Variants in CDKL4 observed in about 807,000 individuals in gnomAD.
CDKL4 encodes cyclin-dependent kinase-like 4.
A neutral mutation model predicts 42.0 loss-of-function variants in CDKL4; 44 were observed. The ratio of observed to expected loss-of-function variants is 1.05; its 90% CI spans 0.82 to 1.35. The LOEUF is 1.35. CDKL4 is among the 40% of genes most tolerant of loss of function. CDKL4 has a pLI of 0.00. For synonymous variants in CDKL4, 120 were observed against 121.6 expected, an observed-to-expected ratio of 0.99 and a Z score of 0.09; for missense variants, 393 against 369.9, an observed-to-expected ratio of 1.06 and a Z score of -0.51.
intron 5 of CDKL4, among the ~76,000 whole-genome samples, chr2:39,200,989 C>T (rs1049711491): frequency 6.6e-6 from 1 of 152,100 alleles, no homozygotes; most frequent in Non-Finnish European, 1.5e-5. Context: ...ACTAAAAAAG[C>T]TTCTGCACAG....
intron 5 of CDKL4, among the ~76,000 whole-genome samples, chr2:39,196,810 G>C (rs1676543168): frequency 6.6e-6 from 1 of 152,174 alleles, no homozygotes; most frequent in South Asian, 2.1e-4. Flanking sequence ...GTTTAGCCAT[G>C]TTGGCCAGGC....
At chr2:39,185,793 A>C (rs1675799082) in intron 7 of CDKL4, among the ~76,000 whole-genome samples, 1 of 151,994 alleles carries the variant, frequency 6.6e-6, no homozygotes, top group Non-Finnish European at 1.5e-5. Context: ...TCTTTTATAT[A>C]ATTGTACACT....
At chr2:39,212,573 T>C (rs1370065391) in intron 4 of CDKL4, among the ~76,000 whole-genome samples, 2 of 151,766 alleles carry the variant, frequency 1.3e-5, no homozygotes, top group Non-Finnish European at 2.9e-5. Context: ...GGCACTTAGA[T>C]TGCTATCGAG....
intron 1 of CDKL4, among the ~76,000 whole-genome samples, chr2:39,237,429 T>C (rs1313437414): frequency 6.6e-6 from 1 of 152,228 alleles, no homozygotes; most frequent in Non-Finnish European, 1.5e-5. Context: ...TGCTTAATGA[T>C]GAAAGATTGA....
intron 5 of CDKL4, among the ~76,000 whole-genome samples, chr2:39,193,204 G>C (rs1041919976): frequency 6.7e-6 from 1 of 149,870 alleles, no homozygotes; most frequent in Middle Eastern, 3.2e-3. Flanking sequence ...GAGGCTGAAC[G>C]GGGTGGATCA....
At position 39,187,102 on chromosome 2, in the gene CDKL4, A is replaced by G. The variant is rs886626899; in HGVS notation, c.735+525T>C. On this transcript the variant is annotated intron_variant, in intron 7 of 9. Transcript: ENST00000451199. ...GGTTCCTCCATGCTGTTCTCATGAT[A>G]GTAAGGGAGTTCTTATGAGATCTGA... Among the ~76,000 whole-genome samples the G allele has an allele frequency of 2.0e-5, 3 of 152,156 alleles. No homozygotes were observed. The East Asian group carries it at 5.8e-4, about 29-fold the overall frequency.
At chr2:39,189,346 C>A (rs1200282554) in intron 6 of CDKL4, among the ~76,000 whole-genome samples, 1 of 152,198 alleles carries the variant, frequency 6.6e-6, no homozygotes, top group East Asian at 1.9e-4. Context: ...TCTGCACTTA[C>A]CTGGCTATAT....
intron 3 of CDKL4, among the ~76,000 whole-genome samples, chr2:39,216,080 T>A (rs1399172736): frequency 6.6e-6 from 1 of 152,212 alleles, no homozygotes; most frequent in Non-Finnish European, 1.5e-5. Flanking sequence ...ATCCCAGATA[T>A]GCTGCTTCCT....
chr2:39,176,499 A>G (rs971493376), intron 9 of CDKL4, among the ~76,000 whole-genome samples: 5 of 152,166 alleles, frequency 3.3e-5, no homozygotes, highest in Admixed American at 2.0e-4. Flanking sequence ...CAATGGTGCA[A>G]TCTCGGCTCA....
intron 8 of CDKL4, among the ~76,000 whole-genome samples, chr2:39,183,964 C>G (rs911183882): frequency 6.6e-6 from 1 of 152,170 alleles, no homozygotes; most frequent in Non-Finnish European, 1.5e-5. Context: ...AGATGAGTCT[C>G]AAACTGAGCT....
chr2:39,196,884 G>A (rs950909939), intron 5 of CDKL4, among the ~76,000 whole-genome samples: 2 of 152,196 alleles, frequency 1.3e-5, no homozygotes, highest in African/African-American at 4.8e-5. Flanking sequence ...TGGGATTACA[G>A]GCGTAAGCCA....
intron 1 of CDKL4, among the ~76,000 whole-genome samples, chr2:39,234,963 A>G (rs72921055): frequency 0.021 from 3,111 of 151,640 alleles, 89 homozygotes; most frequent in African/African-American, 0.072. Context: ...ATCATGACTC[A>G]CTGCAGCCTT....
chr2:39,190,138 A>T (rs1430483042), intron 6 of CDKL4, among the ~76,000 whole-genome samples, 167 bp downstream of exon 6: 1 of 152,198 alleles, frequency 6.6e-6, no homozygotes, highest in East Asian at 1.9e-4. Flanking sequence ...TTAGAAAAGG[A>T]TTGGGCTTTG....
At chr2:39,209,794 A>G (rs1439317168) in intron 4 of CDKL4, among the ~76,000 whole-genome samples, 2 of 152,162 alleles carry the variant, frequency 1.3e-5, no homozygotes, top group Non-Finnish European at 2.9e-5. Flanking sequence ...ACTCTTTGAG[A>G]CTATCATGGG....
At chr2:39,232,196 A>C (rs1679119863) in intron 1 of CDKL4, among the ~76,000 whole-genome samples, 1 of 152,214 alleles carries the variant, frequency 6.6e-6, no homozygotes, top group Non-Finnish European at 1.5e-5. Flanking sequence ...TAAATACAAT[A>C]AAATAAAGCT....
rs139857716 is a variant in CDKL4 at position 39,213,563 on chromosome 2, G to A, written c.291-91C>T. On this transcript the variant is annotated intron_variant, in intron 3 of 9. Transcript: ENST00000451199. Reference sequence around the variant, plus strand: ...AATAGAAGTGGAGTGGTGAGGGACTGTCCTCTTCAAGGAACACCATGCGGA... The same window carrying A: ...AATAGAAGTGGAGTGGTGAGGGACTATCCTCTTCAAGGAACACCATGCGGA... The A allele has an allele frequency of 1.9e-3, 1,484 of 772,826 alleles. 16 individuals carry two copies. The African/African-American group carries it at 0.023, about 12-fold the overall frequency. 47.9% of individuals were successfully genotyped at this position (772,826 alleles called of 1,614,324 possible).
intron 8 of CDKL4, among the ~76,000 whole-genome samples, chr2:39,180,678 G>C (rs1226122300): frequency 1.3e-5 from 2 of 149,222 alleles, no homozygotes; most frequent in African/African-American, 5.0e-5. Flanking sequence ...ACAATCAGGA[G>C]AGAAAGACTT....
At chr2:39,201,053 T>C (rs1194908879) in intron 5 of CDKL4, among the ~76,000 whole-genome samples, 1 of 152,078 alleles carries the variant, frequency 6.6e-6, no homozygotes, top group African/African-American at 2.4e-5. Flanking sequence ...GGAGAAAATC[T>C]TCACAATCTA....
At chr2:39,212,882 AACTCC>A (rs1179010409) in intron 4 of CDKL4, among the ~76,000 whole-genome samples, 2 of 151,150 alleles carry the variant, frequency 1.3e-5, no homozygotes, top group African/African-American at 4.9e-5. Flanking sequence ...GCTGGTCTTG[AACTCC>A]TGAGCTCAAA....
Sources: gnomAD v4.1 joint callset for allele counts (sites outside exome capture counted in the v4.1 genomes callset) on GRCh38, gnomAD v4.1.1 for gene constraint, MANE v1.5 for transcripts, NCBI Gene and HGNC (gene_info 2026-07-23, HGNC 2026-07-21) for gene names.